Variants in OSBPL9 observed in about 807,000 individuals in gnomAD.
OSBPL9 encodes the protein oxysterol-binding protein-related protein 9.
OSBPL9 carries 40 observed loss-of-function variants against 106.6 expected under a neutral mutation model. That is an observed-to-expected ratio of 0.38 (90% CI 0.29 to 0.49). The LOEUF is 0.49. OSBPL9 is among the 20% of genes least tolerant of loss of function. The pLI, the probability that OSBPL9 is intolerant of heterozygous loss-of-function variation, is 0.97. For missense variants in OSBPL9, 609 were observed against 887.2 expected (o/e 0.69, Z 3.98); for synonymous variants, 269 against 295.4 (o/e 0.91, Z 0.92).
chr1:51,534,812 T>C, the OSBPL9 span, among the ~76,000 whole-genome samples: 6 of 152,250 alleles, frequency 3.9e-5, no homozygotes, highest in African/African-American at 1.4e-4. Context: ...TGTCACTGTG[T>C]CTTTGGGCAA....
intron 1 of OSBPL9, among the ~76,000 whole-genome samples, chr1:51,596,280 G>T (rs866079325): frequency 4.0e-5 from 5 of 126,070 alleles, no homozygotes; most frequent in Non-Finnish European, 8.6e-5. Context: ...AAAAAAAAAA[G>T]GCCAGGCACA....
At chr1:51,759,111 G>GT (rs540667193) in intron 9 of OSBPL9, among the ~76,000 whole-genome samples, 5,633 of 144,052 alleles carry the variant, frequency 0.039, 213 homozygotes, top group African/African-American at 0.094. Context: ...TTTCTTAGTT[G>GT]TTTTTTTTTT....
rs186847878 is a variant in OSBPL9, at chr1:51,650,806, T to C, written c.112-1185T>C. On this transcript the variant is annotated intron_variant, in intron 1 of 23. Coordinates refer to ENST00000428468, the MANE Select transcript of OSBPL9 (RefSeq NM_024586.6). ...ACTTCCATTATTTGAGATGTTACTT[T>C]GTTGTATTGCACATGACTAATTTAC... 2.7e-3 allele frequency among the ~76,000 whole-genome samples: 416 copies of C among 152,372 alleles called. 1 individual carries two copies. The highest frequency in any genetic ancestry group is 4.8e-3 in the Non-Finnish European group (327 of 68,036).
intron 1 of OSBPL9, among the ~76,000 whole-genome samples, chr1:51,634,515 G>A (rs552482337): frequency 6.6e-6 from 1 of 152,246 alleles, no homozygotes; most frequent in Admixed American, 6.5e-5. Context: ...GTTGACAGTC[G>A]CCAGATTAAC....
intron 4 of OSBPL9, among the ~76,000 whole-genome samples, chr1:51,739,604 A>G (rs1280307344): frequency 6.6e-6 from 1 of 152,038 alleles, no homozygotes; most frequent in Non-Finnish European, 1.5e-5. Context: ...AAGGTTTAAT[A>G]CTAGGCTCAA....
chr1:51,543,359 C>T, the OSBPL9 span, among the ~76,000 whole-genome samples: 1 of 152,154 alleles, frequency 6.6e-6, no homozygotes, highest in Admixed American at 6.5e-5. Context: ...CTTCTTACAA[C>T]CTCCATTTTT....
chr1:51,613,997 G>A (rs1308741300), upstream of OSBPL9, among the ~76,000 whole-genome samples: 1 of 152,034 alleles, frequency 6.6e-6, no homozygotes, highest in Non-Finnish European at 1.5e-5. Context: ...TGCCCAGGCT[G>A]GTCTGTAACT....
At chr1:51,669,707 A>C in intron 3 of OSBPL9, 195 bp downstream of exon 3, 625 of 566,630 alleles carry the variant, frequency 1.1e-3, no homozygotes, top group East Asian at 1.9e-3. Context: ...ATCGATTTGA[A>C]ACGACTGTGG....
the OSBPL9 span, among the ~76,000 whole-genome samples, chr1:51,559,011 T>C: frequency 6.6e-6 from 1 of 152,156 alleles, no homozygotes; most frequent in African/African-American, 2.4e-5. Context: ...ATGCAGTCAC[T>C]TCCACCAAAG....
At chr1:51,587,413 C>A (rs1397384838) in intron 1 of OSBPL9, among the ~76,000 whole-genome samples, 1 of 152,128 alleles carries the variant, frequency 6.6e-6, no homozygotes, top group Non-Finnish European at 1.5e-5. Context: ...ACACCCATTT[C>A]CACCCACCTC....
At chr1:51,697,453 CTTTTTTTTTTTT>C (rs759965779) in intron 3 of OSBPL9, among the ~76,000 whole-genome samples, 271 of 103,170 alleles carry the variant, frequency 2.6e-3, no homozygotes, top group African/African-American at 8.8e-3. Flanking sequence ...ATAGGGGTTA[CTTTTTTTTTTTT>C]TTTTTTTTTT....
intron 1 of OSBPL9, among the ~76,000 whole-genome samples, chr1:51,629,222 A>G (rs754313682): frequency 1.3e-5 from 2 of 152,122 alleles, no homozygotes; most frequent in Non-Finnish European, 2.9e-5. Flanking sequence ...TTTTCATGGC[A>G]TATATTGTTA....
chr1:51,660,932 G>T (rs1364169951), intron 2 of OSBPL9, among the ~76,000 whole-genome samples: 1 of 152,110 alleles, frequency 6.6e-6, no homozygotes, highest in Non-Finnish European at 1.5e-5. Context: ...TTGGATCAGG[G>T]TTTGCAAGAC....
intron 2 of OSBPL9, among the ~76,000 whole-genome samples, chr1:51,611,856 T>G (rs915640791): frequency 6.6e-6 from 1 of 152,166 alleles, no homozygotes; most frequent in African/African-American, 2.4e-5. Flanking sequence ...GCGCCTGTAG[T>G]CCCAGCTACT....
chr1:51,730,731 A>G (rs1337952755), intron 4 of OSBPL9, among the ~76,000 whole-genome samples: 2 of 152,234 alleles, frequency 1.3e-5, no homozygotes, highest in African/African-American at 4.8e-5. Flanking sequence ...TGTATTGAAC[A>G]AGAAAACCAG....
chr1:51,629,150 A>G (rs1249062873), intron 1 of OSBPL9, among the ~76,000 whole-genome samples: 1 of 152,168 alleles, frequency 6.6e-6, no homozygotes, highest in South Asian at 2.1e-4. Flanking sequence ...AAGCCTTTCT[A>G]TAACAAACCA....
chr1:51,703,703 T>C lies in OSBPL9; in HGVS notation c.242-10300T>C, dbSNP rs370398025. On this transcript the variant is annotated intron_variant, in intron 3 of 23. Transcript: ENST00000428468. ...TGAATAGGAGTGGTGAGAGAGGGCA[T>C]CCCTGTCTTGTGCCAGTTTTCAAAG... 1.7e-3 allele frequency among the ~76,000 whole-genome samples: 259 copies of C among 152,326 alleles called. 7 individuals carry two copies. The East Asian group carries it at 0.035, about 21-fold the overall frequency.
At chr1:51,731,547 C>T (rs1664415628) in intron 4 of OSBPL9, among the ~76,000 whole-genome samples, 1 of 152,086 alleles carries the variant, frequency 6.6e-6, no homozygotes, top group African/African-American at 2.4e-5. Flanking sequence ...GAGGCCGAGG[C>T]GGCCGGATCT....
At chr1:51,760,639 A>G in intron 9 of OSBPL9, 51 bp from the exon 10 acceptor site, 7 of 1,610,750 alleles carry the variant, frequency 4.3e-6, no homozygotes, top group Non-Finnish European at 5.1e-6. Context: ...GGAGGGTAGC[A>G]TGAGAAGAGC....
Sources: allele counts gnomAD v4.1 joint callset (sites outside exome capture counted in the v4.1 genomes callset), GRCh38; gene constraint gnomAD v4.1.1; transcripts MANE v1.5; gene names NCBI Gene and HGNC (gene_info 2026-07-23, HGNC 2026-07-21).